Variants in UNC13C observed in about 807,000 individuals in gnomAD.
UNC13C encodes protein unc-13 homolog C.
Under a neutral mutation model 245.4 loss-of-function variants are expected in UNC13C, and 174 were observed. That is an observed-to-expected ratio of 0.71 (90% confidence interval 0.63 to 0.80). The LOEUF (loss-of-function observed/expected upper bound fraction) is 0.80. UNC13C is among the 30% of genes least tolerant of loss of function. UNC13C has a pLI of 0.00. For missense variants in UNC13C, 2,829 were observed against 2,602.9 expected (o/e 1.09, Z -1.89); for synonymous variants, 992 against 895.1 (o/e 1.11, Z -1.93).
At chr15:54,205,752 T>C (rs1031720259) in intron 4 of UNC13C, among the ~76,000 whole-genome samples, 1 of 151,982 alleles carries the variant, frequency 6.6e-6, no homozygotes, top group Non-Finnish European at 1.5e-5. Context: ...TTCTTATAAG[T>C]GTTCGAAGTA....
intron 24 of UNC13C, among the ~76,000 whole-genome samples, chr15:54,518,408 A>T (rs1895073083): frequency 6.6e-6 from 1 of 152,112 alleles, no homozygotes; most frequent in African/African-American, 2.4e-5. Context: ...GTCTCTTTTT[A>T]AACTCACCTC....
chr15:54,523,255 C>T (rs943250166), intron 24 of UNC13C, among the ~76,000 whole-genome samples: 1 of 152,098 alleles, frequency 6.6e-6, no homozygotes, highest in Non-Finnish European at 1.5e-5. Flanking sequence ...ATAATTATGT[C>T]CATTATGCTC....
chr15:53,992,762 A>G (rs753258922), intron 1 of UNC13C, among the ~76,000 whole-genome samples: 1 of 152,078 alleles, frequency 6.6e-6, no homozygotes, highest in Non-Finnish European at 1.5e-5. Flanking sequence ...ATATGGTGAC[A>G]TTGGAGGTCT....
At chr15:54,240,701 G>T (rs1021561735) in intron 7 of UNC13C, among the ~76,000 whole-genome samples, 2 of 152,082 alleles carry the variant, frequency 1.3e-5, no homozygotes, top group Non-Finnish European at 2.9e-5. Context: ...GAGAATCTCA[G>T]CTTAATAAGC....
chr15:53,932,442 C>T, the UNC13C span, among the ~76,000 whole-genome samples: 2 of 152,122 alleles, frequency 1.3e-5, no homozygotes, highest in African/African-American at 2.4e-5. Flanking sequence ...TTTCCATAAC[C>T]TGTGATGTTA....
chr15:54,068,941 C>T (rs1469080848), intron 2 of UNC13C, among the ~76,000 whole-genome samples: 2 of 152,080 alleles, frequency 1.3e-5, no homozygotes, highest in Non-Finnish European at 2.9e-5. Context: ...TGGATGCTGC[C>T]ATCAAGATAA....
At chr15:54,261,515 T>G (rs1003098121) in intron 8 of UNC13C, among the ~76,000 whole-genome samples, 1 of 140,942 alleles carries the variant, frequency 7.1e-6, no homozygotes, top group African/African-American at 3.0e-5. Flanking sequence ...AGTAGAAATT[T>G]TTGTTTGTTT....
intron 24 of UNC13C, among the ~76,000 whole-genome samples, chr15:54,522,299 C>G (rs1895254174): frequency 1.3e-5 from 2 of 148,376 alleles, no homozygotes. Context: ...GGTGAAACCC[C>G]ATCTCTACTA....
chr15:54,378,249 G>C (rs2039649015), intron 17 of UNC13C, among the ~76,000 whole-genome samples: 1 of 152,098 alleles, frequency 6.6e-6, no homozygotes, highest in Non-Finnish European at 1.5e-5. Flanking sequence ...TCATGTATTT[G>C]AAATCAGCTA....
Position 54,081,262 on chromosome 15 carries a change from C to A in UNC13C, c.2984-61756C>A, listed in dbSNP as rs1001502359. 6.6e-5 allele frequency among the ~76,000 whole-genome samples: 10 copies of A among 152,118 alleles called. No homozygotes were observed. In the East Asian group the frequency reaches 1.9e-3, roughly 29 times the overall value. On this transcript the variant is annotated intron_variant, in intron 2 of 32. Transcript: ENST00000260323. ...ATGCACAGATGATAAAATGTATATT[C>A]TTTGGTATTGAATTGAATGTTCTGT...
At chr15:54,065,448 A>G (rs1250157750) in intron 2 of UNC13C, among the ~76,000 whole-genome samples, 1 of 152,210 alleles carries the variant, frequency 6.6e-6, no homozygotes, top group Non-Finnish European at 1.5e-5. Flanking sequence ...CTAAGGTGAC[A>G]CAGAATATCG....
At chr15:54,380,598 C>T (rs1391954644) in intron 17 of UNC13C, among the ~76,000 whole-genome samples, 1 of 151,986 alleles carries the variant, frequency 6.6e-6, no homozygotes, top group Non-Finnish European at 1.5e-5. Context: ...TGCGAGAGTT[C>T]TCTTTATGTC....
At chr15:54,119,617 A>C (rs2030524473) in intron 2 of UNC13C, among the ~76,000 whole-genome samples, 1 of 152,130 alleles carries the variant, frequency 6.6e-6, no homozygotes, top group Non-Finnish European at 1.5e-5. Flanking sequence ...CACATCTCTC[A>C]CTTTAAATTG....
At position 54,057,319 on chromosome 15, in the gene UNC13C, A is replaced by T. The variant is rs796964361; in HGVS notation, c.2983+41433A>T. ...AGGCAGGGATTGCAATCCTAGTCTC[A>T]GATAAAACAGACTTTAAACCAACAA... On this transcript the variant is annotated intron_variant, in intron 2 of 32. Transcript: ENST00000260323. Among the ~76,000 whole-genome samples the T allele has an allele frequency of 7.4e-4, 111 of 149,846 alleles. 3 individuals are homozygous for T. The South Asian group carries it at 9.7e-3, about 13-fold the overall frequency.
chr15:54,335,646 G>A (rs1402422056), intron 16 of UNC13C, among the ~76,000 whole-genome samples: 1 of 152,084 alleles, frequency 6.6e-6, no homozygotes, highest in East Asian at 1.9e-4. Context: ...AATCATACAC[G>A]ATGTAGCATA....
chr15:54,473,217 T>A (rs1892553767), intron 19 of UNC13C, among the ~76,000 whole-genome samples: 1 of 133,664 alleles, frequency 7.5e-6, no homozygotes, highest in South Asian at 2.5e-4. Context: ...TATTTTATTT[T>A]ATTTTATTTT....
chr15:53,851,979 C>T, the UNC13C span, among the ~76,000 whole-genome samples: 977 of 152,270 alleles, frequency 6.4e-3, 6 homozygotes, highest in Non-Finnish European at 9.6e-3. Context: ...ATGTGCTTCC[C>T]TGAGTTCTGT....
chr15:54,147,789 CGTGT>C (rs56353727), intron 4 of UNC13C, among the ~76,000 whole-genome samples: 8 of 147,476 alleles, frequency 5.4e-5, no homozygotes, highest in African/African-American at 1.5e-4. Context: ...AAGGTGTGTG[CGTGT>C]GTGTGTGTGT....
chr15:54,447,002 G>T (rs1337617844), intron 19 of UNC13C, among the ~76,000 whole-genome samples: 1 of 152,102 alleles, frequency 6.6e-6, no homozygotes, highest in Non-Finnish European at 1.5e-5. Context: ...TAGCATGAAG[G>T]GCTGTTGAAT....
Sources: allele counts gnomAD v4.1 joint callset (sites outside exome capture counted in the v4.1 genomes callset), GRCh38; gene constraint gnomAD v4.1.1; transcripts MANE v1.5; gene names NCBI Gene and HGNC (gene_info 2026-07-23, HGNC 2026-07-21).